Variants in EPHA7 observed in about 807,000 individuals in gnomAD.
EPHA7 encodes the protein EPH receptor A7.
A neutral mutation model predicts 112.6 loss-of-function variants in EPHA7; 25 were observed. That is an observed-to-expected ratio of 0.22 (90% CI 0.16 to 0.31). EPHA7 has a LOEUF of 0.31. EPHA7 is among the 10% of genes least tolerant of loss of function. The probability of loss-of-function intolerance (pLI) is 1.00; values close to 1 mark genes in which losing one functional copy is unlikely to be tolerated. For missense variants in EPHA7, 962 were observed against 1,212.6 expected (o/e 0.79, Z 3.07); for synonymous variants, 437 against 406.5 (o/e 1.07, Z -0.90).
At chr6:93,370,332 C>G (rs867549253) in intron 3 of EPHA7, among the ~76,000 whole-genome samples, 1 of 151,988 alleles carries the variant, frequency 6.6e-6, no homozygotes, top group Non-Finnish European at 1.5e-5. Context: ...AATACATGAC[C>G]TACCCAAACC....
At chr6:93,253,560 G>C (rs763605971) in intron 14 of EPHA7, among the ~76,000 whole-genome samples, 5 of 151,962 alleles carry the variant, frequency 3.3e-5, no homozygotes, top group Non-Finnish European at 5.9e-5. Context: ...CCAAGAATTT[G>C]CATTAGTATC....
intron 3 of EPHA7, among the ~76,000 whole-genome samples, chr6:93,381,608 A>G (rs1042278586): frequency 6.6e-6 from 1 of 152,206 alleles, no homozygotes; most frequent in African/African-American, 2.4e-5. Context: ...AATTTAATTA[A>G]CCACAAATTA....
chr6:93,418,414 G>A (rs933081956), intron 1 of EPHA7, among the ~76,000 whole-genome samples: 3 of 152,216 alleles, frequency 2.0e-5, no homozygotes, highest in Admixed American at 6.5e-5. Context: ...TTGGGCACTC[G>A]GATTCCTCAA....
At chr6:93,376,090 G>A (rs191718186) in intron 3 of EPHA7, among the ~76,000 whole-genome samples, 1 of 152,170 alleles carries the variant, frequency 6.6e-6, no homozygotes, top group East Asian at 1.9e-4. Flanking sequence ...AGGGCACACT[G>A]CTATACTGTC....
intron 5 of EPHA7, among the ~76,000 whole-genome samples, chr6:93,337,338 A>G (rs369622144): frequency 6.6e-5 from 10 of 152,300 alleles, no homozygotes; most frequent in African/African-American, 2.4e-4. Flanking sequence ...CTGATTGCAC[A>G]AGGCTGCAAC....
chr6:93,396,424 C>A (rs115473634), intron 3 of EPHA7, among the ~76,000 whole-genome samples: 1,691 of 151,588 alleles, frequency 0.011, 29 homozygotes, highest in African/African-American at 0.039. Flanking sequence ...TAGATCCTAC[C>A]CTGACTAAAA....
chr6:93,381,075 C>T (rs1360904677), intron 3 of EPHA7, among the ~76,000 whole-genome samples: 1 of 152,078 alleles, frequency 6.6e-6, no homozygotes, highest in African/African-American at 2.4e-5. Flanking sequence ...ATAATAAAGA[C>T]CTCTTTAGAT....
chr6:93,354,907 T>C (rs1775867809), intron 5 of EPHA7, among the ~76,000 whole-genome samples: 1 of 152,130 alleles, frequency 6.6e-6, no homozygotes, highest in Non-Finnish European at 1.5e-5. Context: ...AATAAAAATG[T>C]CACTTCTTGA....
In EPHA7 at chr6:93,419,237, C is replaced by G. The variant is rs1458280683; in HGVS notation, c.97+8G>C. 6.2e-7 allele frequency: 1 copy of G among 1,611,188 alleles called. No individual in the cohort carries two copies. The highest frequency in any genetic ancestry group is 2.2e-5 in the East Asian group (1 of 44,632). On this transcript the variant is annotated splice_region_variant and intron_variant, in intron 1 of 16. Coordinates refer to ENST00000369303, the MANE Select transcript of EPHA7 (RefSeq NM_004440.4). ...GTCAGAACAAACTTTGCTTTCCCAT[C>G]ACCTTACCTTCCTTCGCAGCCTGCG... is the stretch of plus-strand genomic sequence containing the variant.
chr6:93,311,112 C>CTTTTT (rs1434719790), intron 5 of EPHA7, among the ~76,000 whole-genome samples: 14 of 71,004 alleles, frequency 2.0e-4, no homozygotes, highest in African/African-American at 8.7e-4. Flanking sequence ...TCATGCCCAG[C>CTTTTT]TATTTTTTTT....
At chr6:93,405,783 A>ATGTGTGTGTGTGTGTG (rs371052750) in intron 3 of EPHA7, among the ~76,000 whole-genome samples, 2 of 95,290 alleles carry the variant, frequency 2.1e-5, no homozygotes, top group Non-Finnish European at 4.1e-5. Context: ...TTCTGTATAT[A>ATGTGTGTGTGTGTGTG]TGTGTGTGTG....
intron 1 of EPHA7, among the ~76,000 whole-genome samples, chr6:93,417,748 A>C (rs1262565666): frequency 6.6e-6 from 1 of 151,894 alleles, no homozygotes; most frequent in Non-Finnish European, 1.5e-5. Flanking sequence ...TTTGGAGGGG[A>C]TGAGCGTGCG....
intron 3 of EPHA7, among the ~76,000 whole-genome samples, chr6:93,393,868 G>A (rs1562152019): frequency 6.6e-6 from 1 of 151,136 alleles, no homozygotes; most frequent in Non-Finnish European, 1.5e-5. Flanking sequence ...TGAGGTTTCT[G>A]AAAAAAAAGT....
At chr6:93,256,955 T>C (rs1770467286) in intron 12 of EPHA7, among the ~76,000 whole-genome samples, 1 of 152,160 alleles carries the variant, frequency 6.6e-6, no homozygotes, top group Admixed American at 6.6e-5. Context: ...TATCTATGTT[T>C]ATATATTCTG....
chr6:93,357,263 CTTTA>C (rs752472505), intron 4 of EPHA7, among the ~76,000 whole-genome samples: 49 of 152,136 alleles, frequency 3.2e-4, no homozygotes, highest in Non-Finnish European at 4.7e-4. Flanking sequence ...TGGCAAGAGG[CTTTA>C]TTTATTTTCC....
intron 4 of EPHA7, among the ~76,000 whole-genome samples, chr6:93,357,514 T>G (rs1776010732): frequency 6.6e-6 from 1 of 152,336 alleles, no homozygotes; most frequent in African/African-American, 2.4e-5. Flanking sequence ...TGGATTTGGA[T>G]CTCTCAAACA....
In EPHA7 at chr6:93,358,378, T is replaced by C. The variant is rs1191295608; in HGVS notation, c.866A>G (p.Gln289Arg). Reference protein sequence around the residue: ...CGRGFYKSSSQDLQCSRCPTH... With the variant: ...CGRGFYKSSSRDLQCSRCPTH... ...TGGACAACGAGAGCACTGAAGATCT[T>C]GAGAGGAAGACTTGTAGAACCCACG... The change falls in exon 4 of 17, where the codon CAA becomes CGA. Residue 289 changes from glutamine to arginine, a missense_variant. Around this residue, in one of 3 missense-constraint regions of EPHA7, gnomAD observed 746 missense variants for 889.2 expected, o/e 0.84. Coordinates refer to ENST00000369303, the MANE Select transcript of EPHA7 (RefSeq NM_004440.4). 6.2e-7 allele frequency: 1 copy of C among 1,612,204 alleles called. No homozygotes were observed. The highest frequency in any genetic ancestry group is 1.7e-5 in the Admixed American group (1 of 59,854).
chr6:93,378,635 T>C (rs1358137659), intron 3 of EPHA7, among the ~76,000 whole-genome samples: 2 of 152,070 alleles, frequency 1.3e-5, no homozygotes, highest in African/African-American at 2.4e-5. Context: ...TGATTTACAA[T>C]TGCAAGTAGG....
intron 3 of EPHA7, among the ~76,000 whole-genome samples, chr6:93,359,581 A>C (rs1776137860): frequency 6.6e-6 from 1 of 152,022 alleles, no homozygotes; most frequent in Non-Finnish European, 1.5e-5. Flanking sequence ...GCAAAAAATT[A>C]ACCACATTTT....
Sources: gnomAD v4.1 joint callset for allele counts (sites outside exome capture counted in the v4.1 genomes callset) on GRCh38, gnomAD v4.1.1 for gene constraint, gnomAD v4.1.1 regional missense constraint, MANE v1.5 for transcripts, NCBI Gene and HGNC (gene_info 2026-07-23, HGNC 2026-07-21) for gene names.